The following JAM3 variants were observed in gnomAD, a reference collection of about 807,000 sequenced individuals.
JAM3 encodes the protein junctional adhesion molecule 3, also known as junctional adhesion molecule C.
Under a neutral mutation model 39.4 loss-of-function variants are expected in JAM3, and 31 were observed. The ratio of observed to expected loss-of-function variants is 0.79; its 90% confidence interval spans 0.59 to 1.06. The LOEUF is 1.06. JAM3 is among the 50% of genes least tolerant of loss of function. The pLI is 0.00. For missense variants in JAM3, 455 were observed against 391.4 expected (o/e 1.16, Z -1.37); for synonymous variants, 182 against 148.7 (o/e 1.22, Z -1.63).
At chr11:134,107,499 CAAAA>C (rs918009823) in intron 1 of JAM3, among the ~76,000 whole-genome samples, 4 of 151,032 alleles carry the variant, frequency 2.6e-5, no homozygotes, top group East Asian at 1.9e-4. Flanking sequence ...TATAAATAGT[CAAAA>C]AAAAGTGTTT....
rs1253622947 is a variant in JAM3 at position 134,151,207 on chromosome 11, A to C, written c.*2026A>C. On this transcript the variant is annotated 3_prime_UTR_variant, in exon 9 of 9. Transcript: ENST00000299106. ...TTTGACAGCTTTTTTTTAATTGCAT[A>C]CATGAGACTGTGTTGACTTTTTTTA... 1.3e-5 allele frequency: 2 copies of C among 152,182 alleles called. No homozygotes were observed. The highest frequency in any genetic ancestry group is 2.4e-5 in the African/African-American group (1 of 41,438). 9.4% of individuals were successfully genotyped at this position (152,182 alleles called of 1,614,324 possible). A position where few individuals can be genotyped will look rare whatever the true frequency, so the allele number is the denominator to read the frequency against.
chr11:134,148,485 A>G (rs1943120325), intron 6 of JAM3, 62 bp from the exon 7 acceptor site: 10 of 1,610,410 alleles, frequency 6.2e-6, no homozygotes, highest in East Asian at 2.2e-5. Context: ...CAGCAGGGCC[A>G]GGGCCTTTTT....
chr11:134,078,917 TAATCC>T (rs1941618613), intron 1 of JAM3, among the ~76,000 whole-genome samples: 1 of 152,134 alleles, frequency 6.6e-6, no homozygotes, highest in Admixed American at 6.5e-5. Flanking sequence ...CATGCGCCTG[TAATCC>T]CAGCTGCTTG....
intron 1 of JAM3, among the ~76,000 whole-genome samples, chr11:134,114,609 T>C (rs939182513): frequency 6.6e-6 from 1 of 152,252 alleles, no homozygotes; most frequent in Non-Finnish European, 1.5e-5. Flanking sequence ...CTTCTTTGAC[T>C]TACAGATTAT....
In JAM3 at chr11:134,150,743, A is replaced by T. The variant is rs528601526; in HGVS notation, c.*1562A>T. 1.3e-5 allele frequency: 2 copies of T among 152,254 alleles called. No homozygotes were observed. Among genetic ancestry groups the T allele is most frequent in the East Asian group, 3.9e-4 (2 of 5,186 alleles). The allele number at this position is 152,254 out of a possible 1,614,324, so 9.4% of individuals were successfully genotyped here. A position where few individuals can be genotyped will look rare whatever the true frequency, so the allele number is the denominator to read the frequency against. On this transcript the variant is annotated 3_prime_UTR_variant, in exon 9 of 9. Transcript: ENST00000299106. ...AGTACAATAACATTTTTAAAAGAAA[A>T]TGGATCCCACTGTTCCTCTTTGCCA...
Position 134,149,481 on chromosome 11 carries a change from TAA to T in JAM3, c.*302_*303del. The T allele has an allele frequency of 1.8e-6, 1 of 547,860 alleles. No individual in the cohort carries two copies. The highest frequency in any genetic ancestry group is 3.5e-5 in the East Asian group (1 of 28,780). 33.9% of individuals were successfully genotyped at this position (547,860 alleles called of 1,614,324 possible). A position where few individuals can be genotyped will look rare whatever the true frequency, so the allele number is the denominator to read the frequency against. ...TCCCGCATGAGTATTAGGGTGATCT[TAA>T]AGAGTTTGCTCACGTAAACGCCCGT... On this transcript the variant is annotated 3_prime_UTR_variant, in exon 9 of 9. Transcript: ENST00000299106.
At chr11:134,097,006 T>TCACC (rs1941996108) in intron 1 of JAM3, among the ~76,000 whole-genome samples, 1 of 152,254 alleles carries the variant, frequency 6.6e-6, no homozygotes, top group Admixed American at 6.5e-5. Flanking sequence ...GAGAGTGCAG[T>TCACC]GGTGGTGTGT....
At chr11:134,139,626 A>G (rs1446458785) in intron 1 of JAM3, 7 of 561,918 alleles carry the variant, frequency 1.2e-5, no homozygotes, top group Non-Finnish European at 9.6e-6. Context: ...AGGAGAAGGA[A>G]TTCTTAGAAC....
chr11:134,071,615 C>G (rs1317808580), intron 1 of JAM3, among the ~76,000 whole-genome samples: 1 of 152,170 alleles, frequency 6.6e-6, no homozygotes, highest in African/African-American at 2.4e-5. Flanking sequence ...AGAATTAAAA[C>G]AGCAACAGTT....
Position 134,148,813 on chromosome 11 carries a change from G to C in JAM3, c.892G>C (p.Glu298Gln), listed in dbSNP as rs748905480. ...TGGAGTTAACTACATCCGCACTGAC[G>C]AGGAGGTAATCATTTAGTAAACCTG... The part of the protein sequence containing the change: ...PDGVNYIRTD[E>Q]EGDFRHKSSF... Residue 298 changes from glutamate (E) to glutamine (Q), a missense_variant, in exon 8 of 9, where the codon GAG (glutamate) becomes CAG (glutamine). By Grantham distance (29) the Glu-to-Gln change is conservative. Transcript: ENST00000299106. The C allele has an allele frequency of 2.5e-6, 4 of 1,614,006 alleles. No homozygotes were observed. Among genetic ancestry groups the C allele is most frequent in the Non-Finnish European group, 3.4e-6 (4 of 1,179,922 alleles).
chr11:134,105,740 C>G (rs1210662234), intron 1 of JAM3, among the ~76,000 whole-genome samples: 1 of 152,138 alleles, frequency 6.6e-6, no homozygotes, highest in Admixed American at 6.5e-5. Flanking sequence ...AGTGAACTCC[C>G]ATTCGCAATT....
At chr11:134,071,996 C>T (rs1019969876) in intron 1 of JAM3, among the ~76,000 whole-genome samples, 12 of 152,270 alleles carry the variant, frequency 7.9e-5, no homozygotes, top group African/African-American at 2.9e-4. Flanking sequence ...TGCAGTATTA[C>T]ATTCAGGCAG....
At chr11:134,145,099 CAGG>C in intron 5 of JAM3, 105 bp downstream of exon 5, 1 of 963,684 alleles carries the variant, frequency 1.0e-6, no homozygotes, top group Admixed American at 1.9e-5. Context: ...CTTGATAAGA[CAGG>C]AGTCAAAAAT....
intron 1 of JAM3, among the ~76,000 whole-genome samples, chr11:134,074,145 C>T (rs780246921): frequency 2.4e-4 from 36 of 152,176 alleles, no homozygotes; most frequent in Non-Finnish European, 5.0e-4. Flanking sequence ...CACAAAACAT[C>T]TATGCTTAGG....
intron 1 of JAM3, among the ~76,000 whole-genome samples, chr11:134,129,596 C>T (rs1942725906): frequency 1.3e-5 from 2 of 152,142 alleles, no homozygotes; most frequent in African/African-American, 2.4e-5. Context: ...AATAAATGGT[C>T]CCTCTTCTAA....
chr11:134,138,705 C>T (rs969192802), intron 1 of JAM3, among the ~76,000 whole-genome samples: 5 of 152,206 alleles, frequency 3.3e-5, no homozygotes, highest in African/African-American at 4.8e-5. Flanking sequence ...CTTCACTTGT[C>T]CTTTGTTCTA....
At chr11:134,118,375 T>C (rs191477651) in intron 1 of JAM3, among the ~76,000 whole-genome samples, 1 of 152,218 alleles carries the variant, frequency 6.6e-6, no homozygotes, top group African/African-American at 2.4e-5. Flanking sequence ...ATTTTTATAT[T>C]TCCATTATTT....
At chr11:134,070,273 CCGCAG>C in intron 1 of JAM3, 40 of 453,702 alleles carry the variant, frequency 8.8e-5, no homozygotes, top group South Asian at 6.1e-4. Context: ...TGGCAGCCAT[CCGCAG>C]GTAACCAGAC....
intron 1 of JAM3, among the ~76,000 whole-genome samples, chr11:134,097,106 C>T (rs1401156197): frequency 6.6e-6 from 1 of 151,960 alleles, no homozygotes; most frequent in Non-Finnish European, 1.5e-5. Context: ...TTTTCTTGTC[C>T]CCTCCACACC....
Sources: allele counts gnomAD v4.1 joint callset (sites outside exome capture counted in the v4.1 genomes callset), GRCh38; gene constraint gnomAD v4.1.1; transcripts MANE v1.5; gene names NCBI Gene and HGNC (gene_info 2026-07-23, HGNC 2026-07-21).